Variants in TNNI3K observed in about 807,000 individuals in gnomAD.
TNNI3K encodes TNNI3 interacting kinase.
Under a neutral mutation model 114.5 loss-of-function variants are expected in TNNI3K, and 140 were observed. The ratio of observed to expected loss-of-function variants is 1.22; its 90% CI spans 1.07 to 1.41. The LOEUF (loss-of-function observed/expected upper bound fraction) is 1.41. TNNI3K is among the 40% of genes most tolerant of loss of function. The pLI is 0.00. For synonymous variants in TNNI3K, 347 were observed against 347.5 expected, an observed-to-expected ratio of 1.00 and a Z score of 0.02; for missense variants, 1,125 against 1,007.6, an observed-to-expected ratio of 1.12 and a Z score of -1.58.
At position 74,479,918 on chromosome 1, in the gene TNNI3K, G is replaced by A. The variant is rs1668395753; in HGVS notation, c.2122-9271G>A. 2.0e-5 allele frequency among the ~76,000 whole-genome samples: 3 copies of A among 152,188 alleles called. No homozygotes were observed. The South Asian group carries it at 6.2e-4, about 31-fold the overall frequency. On this transcript the variant is annotated intron_variant, in intron 21 of 24. Transcript: ENST00000326637. ...AGGTCACCAATGCTATTTATACCAG[G>A]GCTGGAGCCCTTGAATTCTGGTCCA...
At chr1:74,376,117 A>G (rs1662892384) in intron 17 of TNNI3K, among the ~76,000 whole-genome samples, 1 of 152,040 alleles carries the variant, frequency 6.6e-6, no homozygotes, top group Non-Finnish European at 1.5e-5. Flanking sequence ...TATGAGCTAA[A>G]AAAATCTTAA....
At chr1:74,508,585 T>C (rs1195876583) in intron 23 of TNNI3K, among the ~76,000 whole-genome samples, 1 of 152,146 alleles carries the variant, frequency 6.6e-6, no homozygotes, top group Non-Finnish European at 1.5e-5. Flanking sequence ...GGAGGCAGAC[T>C]GCATTCAGAG....
intron 20 of TNNI3K, among the ~76,000 whole-genome samples, chr1:74,448,915 T>G (rs1243945375): frequency 3.1e-5 from 2 of 65,330 alleles, no homozygotes; most frequent in African/African-American, 1.2e-4. Context: ...GATATTGGTC[T>G]AAAATTCTCT....
intron 21 of TNNI3K, among the ~76,000 whole-genome samples, chr1:74,479,476 C>T (rs921393172): frequency 1.3e-5 from 2 of 152,144 alleles, no homozygotes; most frequent in Non-Finnish European, 2.9e-5. Context: ...TAGAAGAATT[C>T]AAAACCACCC....
At chr1:74,327,082 A>C (rs1416463732) in intron 5 of TNNI3K, among the ~76,000 whole-genome samples, 1 of 150,012 alleles carries the variant, frequency 6.7e-6, no homozygotes, top group Non-Finnish European at 1.5e-5. Context: ...TCCGTGTCAA[A>C]AAAAAAAAAA....
chr1:74,434,575 G>A (rs1287119703), intron 17 of TNNI3K, among the ~76,000 whole-genome samples: 2 of 151,882 alleles, frequency 1.3e-5, no homozygotes, highest in Non-Finnish European at 2.9e-5. Context: ...CTATCTAGTA[G>A]TACAGCGTGT....
intron 21 of TNNI3K, among the ~76,000 whole-genome samples, chr1:74,473,586 T>G (rs79844776): frequency 6.6e-6 from 1 of 152,000 alleles, no homozygotes; most frequent in South Asian, 2.1e-4. Flanking sequence ...AATTAACTTT[T>G]AGTAGACAGG....
rs111635162 is a variant in TNNI3K at position 74,359,436 on chromosome 1, G to T, written c.1177+5307G>T. On this transcript the variant is annotated intron_variant, in intron 11 of 24. Coordinates refer to ENST00000326637, the MANE Select transcript of TNNI3K (RefSeq NM_015978.3). ...TAATATATTAGGATAATAGGAATCCGCTATAAACCCTCTGATGAAGGGCTT... is the reference window on the plus strand; with the variant it reads ...TAATATATTAGGATAATAGGAATCCTCTATAAACCCTCTGATGAAGGGCTT... Among the ~76,000 whole-genome samples, 9 of 151,924 alleles carry T rather than the reference G, an allele frequency of 5.9e-5. 1 individual carries two copies. Among genetic ancestry groups the T allele is most frequent in the African/African-American group, 1.9e-4 (8 of 41,476 alleles).
At chr1:74,308,538 A>G (rs1189085862) in intron 5 of TNNI3K, among the ~76,000 whole-genome samples, 6 of 152,174 alleles carry the variant, frequency 3.9e-5, no homozygotes, top group Admixed American at 3.9e-4. Context: ...ATACTGGTAA[A>G]TGCCTACATC....
intron 2 of TNNI3K, among the ~76,000 whole-genome samples, chr1:74,246,275 A>G (rs1191160200): frequency 6.6e-6 from 1 of 152,246 alleles, no homozygotes; most frequent in East Asian, 1.9e-4. Context: ...GTCTTGGAAG[A>G]AAGTAAACTA....
At chr1:74,439,738 G>A (rs1423640066) in intron 20 of TNNI3K, 116 bp downstream of exon 20, 5 of 1,460,200 alleles carry the variant, frequency 3.4e-6, no homozygotes, top group South Asian at 2.8e-5. Context: ...CAAAAGAGGA[G>A]GTAAGCAAAC....
chr1:74,364,054 C>CCTCTAGAAAGA, intron 11 of TNNI3K, among the ~76,000 whole-genome samples: 1 of 150,160 alleles, frequency 6.7e-6, no homozygotes, highest in African/African-American at 2.4e-5. Flanking sequence ...GGCTGGAGTG[C>CCTCTAGAAAGA]AATGGTGTGA....
chr1:74,498,741 A>G (rs1028196036), intron 23 of TNNI3K, among the ~76,000 whole-genome samples: 3 of 152,140 alleles, frequency 2.0e-5, no homozygotes, highest in Non-Finnish European at 4.4e-5. Context: ...CCCGACTATT[A>G]GCACACTAAA....
intron 17 of TNNI3K, among the ~76,000 whole-genome samples, chr1:74,389,418 A>G (rs1475816540): frequency 6.6e-6 from 1 of 152,178 alleles, no homozygotes; most frequent in Non-Finnish European, 1.5e-5. Flanking sequence ...CAGCTAAATA[A>G]TCGTCTTTAT....
In TNNI3K at chr1:74,480,848, T is replaced by C. The variant is rs764622431; in HGVS notation, c.2122-8341T>C. On this transcript the variant is annotated intron_variant, in intron 21 of 24. Transcript: ENST00000326637. ...ATGCAGGGCATCTTCCTGAACATCC[T>C]CGATACCATTTCTGCTTAGGGAGAG... 4.7e-5 allele frequency: 34 copies of C among 717,352 alleles called. 1 individual carries two copies. The South Asian group carries it at 5.0e-4, about 11-fold the overall frequency. 44.4% of individuals were successfully genotyped at this position (717,352 alleles called of 1,614,324 possible).
intron 17 of TNNI3K, among the ~76,000 whole-genome samples, chr1:74,384,271 T>G (rs1205111944): frequency 1.3e-5 from 2 of 152,188 alleles, no homozygotes; most frequent in Non-Finnish European, 2.9e-5. Flanking sequence ...CTGGCTATTT[T>G]GTGCTGTAGA....
chr1:74,528,678 A>G (rs1646540072), intron 23 of TNNI3K, among the ~76,000 whole-genome samples: 1 of 152,222 alleles, frequency 6.6e-6, no homozygotes, highest in South Asian at 2.1e-4. Flanking sequence ...GTTGCTGGAA[A>G]CTTATGCTTT....
chr1:74,503,110 A>T (rs890882526), intron 23 of TNNI3K, among the ~76,000 whole-genome samples: 16 of 152,270 alleles, frequency 1.1e-4, no homozygotes, highest in Middle Eastern at 3.4e-3. Flanking sequence ...AGCCAAATGC[A>T]GTCAATGAAT....
At chr1:74,287,727 T>G (rs2100275365) in intron 5 of TNNI3K, among the ~76,000 whole-genome samples, 1 of 152,132 alleles carries the variant, frequency 6.6e-6, no homozygotes, top group Middle Eastern at 3.4e-3. Context: ...AAAAAGAGAT[T>G]AACAGGATTG....
Sources: gnomAD v4.1 joint callset for allele counts (sites outside exome capture counted in the v4.1 genomes callset) on GRCh38, gnomAD v4.1.1 for gene constraint, MANE v1.5 for transcripts, NCBI Gene and HGNC (gene_info 2026-07-23, HGNC 2026-07-21) for gene names.